The following AXDND1 variants were observed in gnomAD, a reference collection of about 807,000 sequenced individuals.
The protein encoded by AXDND1 is axonemal dynein light chain domain containing 1.
Under a neutral mutation model 137.5 loss-of-function variants are expected in AXDND1, and 110 were observed. The observed-to-expected ratio is 0.80, with a 90% CI of 0.69 to 0.94. AXDND1 has a LOEUF of 0.94. Ranked by LOEUF, AXDND1 falls within the 40% of genes least tolerant of loss-of-function variation. The pLI, the probability that AXDND1 is intolerant of heterozygous loss-of-function variation, is 0.00. For synonymous variants in AXDND1, 414 were observed against 399.7 expected, an observed-to-expected ratio of 1.04 and a Z score of -0.43; for missense variants, 1,191 against 1,169.8, an observed-to-expected ratio of 1.02 and a Z score of -0.26.
chr1:179,532,815 G>A (rs1371960278), intron 23 of AXDND1, among the ~76,000 whole-genome samples: 1 of 152,112 alleles, frequency 6.6e-6, no homozygotes, highest in African/African-American at 2.4e-5. Context: ...AGCCTGTGAG[G>A]TCAAGGCTAC....
Position 179,525,401 on chromosome 1 carries a change from A to G in AXDND1, c.2564A>G (p.Lys855Arg). ...TTTAAAGAAGATGAAGAAGAAAGTA[A>G]GGAGGATAGGAAACTTCAGGAGGAA... The part of the protein sequence containing the change: ...ESFKEDEEES[K>R]EDRKLQEENK... Residue 855 changes from lysine to arginine, a missense_variant, in exon 22 of 26, where the codon AAG becomes AGG. Transcript: ENST00000367618. The G allele has an allele frequency of 6.2e-7, 1 of 1,612,304 alleles. No homozygotes were observed. Among genetic ancestry groups the G allele is most frequent in the Non-Finnish European group, 8.5e-7 (1 of 1,178,928 alleles).
At chr1:179,398,717 C>T (rs1651462984) in intron 11 of AXDND1, among the ~76,000 whole-genome samples, 1 of 152,098 alleles carries the variant, frequency 6.6e-6, no homozygotes, top group African/African-American at 2.4e-5. Flanking sequence ...GGGGTGGTCA[C>T]TCAGGGCAGG....
intron 25 of AXDND1, among the ~76,000 whole-genome samples, chr1:179,536,364 A>C (rs1671560805): frequency 6.6e-6 from 1 of 152,170 alleles, no homozygotes; most frequent in African/African-American, 2.4e-5. Flanking sequence ...TTAAGTCTTT[A>C]ATCCATCTTG....
At chr1:179,427,763 C>T (rs1432652828) in intron 12 of AXDND1, among the ~76,000 whole-genome samples, 1 of 152,118 alleles carries the variant, frequency 6.6e-6, no homozygotes, top group African/African-American at 2.4e-5. Context: ...TCATTACCCA[C>T]ATTTTTCATA....
intron 16 of AXDND1, among the ~76,000 whole-genome samples, chr1:179,446,724 C>G (rs893486336): frequency 6.6e-6 from 1 of 151,972 alleles, no homozygotes; most frequent in African/African-American, 2.4e-5. Context: ...AGTTATAAGA[C>G]TGCTTAATAT....
chr1:179,408,446 G>A (rs115391522), intron 11 of AXDND1, among the ~76,000 whole-genome samples: 1,533 of 151,006 alleles, frequency 0.01, 43 homozygotes, highest in African/African-American at 0.036. Flanking sequence ...GTGTGATTTC[G>A]GCTCACTTCA....
At chr1:179,463,997 G>C (rs1192725812) in intron 16 of AXDND1, among the ~76,000 whole-genome samples, 5 of 151,542 alleles carry the variant, frequency 3.3e-5, no homozygotes, top group Non-Finnish European at 5.9e-5. Context: ...CCTTTATTTT[G>C]AGCCTATGTG....
chr1:179,534,207 G>T (rs1476744806), intron 24 of AXDND1, among the ~76,000 whole-genome samples: 1 of 152,212 alleles, frequency 6.6e-6, no homozygotes, highest in Non-Finnish European at 1.5e-5. Flanking sequence ...GCTTGGGAAA[G>T]AATGTTACAT....
At chr1:179,412,642 G>C (rs991961282) in intron 12 of AXDND1, among the ~76,000 whole-genome samples, 1 of 152,008 alleles carries the variant, frequency 6.6e-6, no homozygotes, top group Admixed American at 6.6e-5. Context: ...TCATTACTGG[G>C]GACATGCTAG....
Position 179,431,053 on chromosome 1 carries a change from T to A in AXDND1, c.1487+447T>A, listed in dbSNP as rs1197864809. 3.3e-5 allele frequency among the ~76,000 whole-genome samples: 5 copies of A among 152,310 alleles called. No individual in the cohort carries two copies. In the East Asian group the frequency reaches 9.6e-4, roughly 29 times the overall value. On this transcript the variant is annotated intron_variant, in intron 14 of 25. Transcript: ENST00000367618. ...TGAAAGAAGCTGCTAATAAAGTAGTTAAGTTGAGGTCAGATGGCTAAATCA... is the reference window on the plus strand; with the variant it reads ...TGAAAGAAGCTGCTAATAAAGTAGTAAAGTTGAGGTCAGATGGCTAAATCA...
chr1:179,378,638 G>C lies in AXDND1; in HGVS notation c.376G>C (p.Asp126His), dbSNP rs912739322. The C allele has an allele frequency of 1.3e-6, 2 of 1,569,026 alleles. No homozygotes were observed. Among genetic ancestry groups the C allele is most frequent in the African/African-American group, 2.7e-5 (2 of 73,774 alleles). ...AAATATATTTTTCTTACTTTTTAGGGATATTTCTTTTCTGTACGATGTAAC... is the reference window on the plus strand; with the variant it reads ...AAATATATTTTTCTTACTTTTTAGGCATATTTCTTTTCTGTACGATGTAAC... The part of the protein sequence containing the change: ...HPVSLTGAGR[D>H]ISFLYDVTYA... The change falls in exon 5 of 26, where the codon GAT becomes CAT. Residue 126 changes from aspartate to histidine, a missense_variant and splice_region_variant. By Grantham distance (81) the Asp-to-His change is moderately conservative (BLOSUM62 -1). Transcript: ENST00000367618.
intron 16 of AXDND1, chr1:179,450,683 G>A (rs1660432929): frequency 1.3e-5 from 2 of 152,130 alleles, no homozygotes; most frequent in Admixed American, 1.3e-4. Context: ...TCCTACTTCG[G>A]GCTGGGAGTG....
intron 12 of AXDND1, among the ~76,000 whole-genome samples, chr1:179,416,462 G>C (rs1365793854): frequency 6.6e-6 from 1 of 152,154 alleles, no homozygotes; most frequent in Non-Finnish European, 1.5e-5. Flanking sequence ...TTATATGGTA[G>C]TTCTGGTTTT....
At chr1:179,369,260 T>C (rs1667781941) in intron 3 of AXDND1, among the ~76,000 whole-genome samples, 1 of 151,520 alleles carries the variant, frequency 6.6e-6, no homozygotes, top group Non-Finnish European at 1.5e-5. Context: ...GTATTTTTCA[T>C]AGAGACGGAG....
intron 25 of AXDND1, chr1:179,544,372 A>C (rs1435169036): frequency 6.6e-6 from 1 of 152,218 alleles, no homozygotes; most frequent in South Asian, 2.1e-4. Flanking sequence ...TTAGTTTTTC[A>C]ATTTAAAAGA....
chr1:179,480,195 T>C (rs890478420), intron 17 of AXDND1, among the ~76,000 whole-genome samples: 1 of 152,188 alleles, frequency 6.6e-6, no homozygotes, highest in African/African-American at 2.4e-5. Context: ...CTCATGCTGC[T>C]GATAAAGACA....
chr1:179,520,036 A>G (rs969274605), intron 21 of AXDND1, among the ~76,000 whole-genome samples: 30 of 151,934 alleles, frequency 2.0e-4, no homozygotes, highest in African/African-American at 6.0e-4. Context: ...ATGTTTTTCC[A>G]TTTGTGTCAT....
chr1:179,531,299 G>C (rs915445793), intron 23 of AXDND1, among the ~76,000 whole-genome samples: 6 of 152,122 alleles, frequency 3.9e-5, no homozygotes, highest in Non-Finnish European at 8.8e-5. Flanking sequence ...GGCATAATTA[G>C]GGAAGTTGCA....
chr1:179,463,113 A>G (rs941849816), intron 16 of AXDND1, among the ~76,000 whole-genome samples: 10 of 151,996 alleles, frequency 6.6e-5, no homozygotes, highest in East Asian at 3.9e-4. Flanking sequence ...TTGTGTCTCT[A>G]TCTCCTCAGT....
Sources: allele counts gnomAD v4.1 joint callset (sites outside exome capture counted in the v4.1 genomes callset), GRCh38; gene constraint gnomAD v4.1.1; transcripts MANE v1.5; gene names NCBI Gene and HGNC (gene_info 2026-07-23, HGNC 2026-07-21).